The following TLE1 variants were observed in gnomAD, a reference collection of about 807,000 sequenced individuals.
The protein encoded by TLE1 is transducin-like enhancer protein 1.
A neutral mutation model predicts 89.8 loss-of-function variants in TLE1; 21 were observed. That is an observed-to-expected ratio of 0.23 (90% confidence interval 0.17 to 0.34). The LOEUF (loss-of-function observed/expected upper bound fraction) is 0.34. Ranked by LOEUF, TLE1 falls within the 10% of genes least tolerant of loss-of-function variation. The probability of loss-of-function intolerance (pLI) is 1.00; values close to 1 mark genes in which losing one functional copy is unlikely to be tolerated. For missense variants in TLE1, 795 were observed against 1,031.2 expected, an observed-to-expected ratio of 0.77 and a Z score of 3.14; for synonymous variants, 447 against 407.6, an observed-to-expected ratio of 1.10 and a Z score of -1.16.
rs1268315420 is a variant in TLE1 at position 81,673,004 on chromosome 9, G to GCACC, written c.234+12671_234+12672insGGTG. 1.1e-4 allele frequency among the ~76,000 whole-genome samples: 17 copies of GCACC among 151,862 alleles called. No individual in the cohort carries two copies. In the East Asian group the frequency reaches 3.1e-3, roughly 28 times the overall value. On this transcript the variant is annotated intron_variant, in intron 4 of 19. Coordinates refer to ENST00000376499, the MANE Select transcript of TLE1 (RefSeq NM_005077.5). ...GACTGCCAACAAGGCCGGACGCGGT[G>GCACC]GCTCACGCCTGTAATCCCAGCACTT...
intron 2 of TLE1, among the ~76,000 whole-genome samples, chr9:81,686,761 A>G (rs145632780): frequency 8.2e-4 from 125 of 152,282 alleles, no homozygotes; most frequent in African/African-American, 2.9e-3. Flanking sequence ...AGATGGATAT[A>G]AATGTGACTC....
intron 11 of TLE1, among the ~76,000 whole-genome samples, chr9:81,615,067 G>C (rs1315445125): frequency 9.4e-6 from 1 of 106,550 alleles, no homozygotes; most frequent in Non-Finnish European, 1.8e-5. Context: ...GGGTGACAGA[G>C]TGAGACTCCA....
At chr9:81,636,328 C>T (rs1270058182) in intron 6 of TLE1, among the ~76,000 whole-genome samples, 1 of 151,806 alleles carries the variant, frequency 6.6e-6, no homozygotes, top group Non-Finnish European at 1.5e-5. Flanking sequence ...CTCATTAGCA[C>T]TTAATTAGGA....
At chr9:81,647,188 C>T (rs538826426) in intron 6 of TLE1, among the ~76,000 whole-genome samples, 9 of 152,150 alleles carry the variant, frequency 5.9e-5, no homozygotes, top group East Asian at 1.9e-4. Flanking sequence ...ATTTTGTGGA[C>T]GGGAGGACAG....
chr9:81,669,669 G>A (rs965333099), intron 4 of TLE1, among the ~76,000 whole-genome samples: 6 of 151,876 alleles, frequency 4.0e-5, no homozygotes, highest in Non-Finnish European at 7.4e-5. Context: ...CAAAAACTGC[G>A]CATTGCTGCT....
At chr9:81,688,140 C>T (rs1431120591) in intron 1 of TLE1, 77 bp downstream of exon 1, 1 of 1,571,714 alleles carries the variant, frequency 6.4e-7, no homozygotes, top group Admixed American at 1.7e-5. Context: ...CCTCAGAAGC[C>T]ACCAGTCTCC....
At chr9:81,643,223 GTGTT>G (rs1444868864) in intron 6 of TLE1, among the ~76,000 whole-genome samples, 2 of 149,004 alleles carry the variant, frequency 1.3e-5, no homozygotes, top group African/African-American at 4.9e-5. Context: ...ACTTTGTGGT[GTGTT>G]TGTTTTTTGT....
intron 6 of TLE1, among the ~76,000 whole-genome samples, chr9:81,642,735 G>GAAAGAA (rs1398541733): frequency 9.2e-5 from 14 of 151,686 alleles, no homozygotes; most frequent in Admixed American, 3.9e-4. Flanking sequence ...AAGAAAGAAA[G>GAAAGAA]AGAGAGAAAA....
In TLE1 at chr9:81,636,485, C is replaced by T. The variant is rs548386744; in HGVS notation, c.373-2184G>A. Among the ~76,000 whole-genome samples the T allele has an allele frequency of 5.3e-5, 8 of 151,860 alleles. No homozygotes were observed. The East Asian group carries it at 9.7e-4, about 18-fold the overall frequency. Reference sequence around the variant, plus strand: ...GGGAATGCAATGATGCATACACAAGCAAGTGCAGCGGGTAATTAAGCACGG... The same window carrying T: ...GGGAATGCAATGATGCATACACAAGTAAGTGCAGCGGGTAATTAAGCACGG... On this transcript the variant is annotated intron_variant, in intron 6 of 19. Transcript: ENST00000376499.
chr9:81,587,058 A>C (rs1417456006), intron 17 of TLE1, among the ~76,000 whole-genome samples: 1 of 152,240 alleles, frequency 6.6e-6, no homozygotes, highest in South Asian at 2.1e-4. Flanking sequence ...ACAAGTCTAC[A>C]TTCAGACATT....
At chr9:81,677,236 T>TCCC (rs35970494) in intron 4 of TLE1, among the ~76,000 whole-genome samples, 1 of 140,938 alleles carries the variant, frequency 7.1e-6, no homozygotes, top group Non-Finnish European at 1.5e-5. Flanking sequence ...AGACTCGTCT[T>TCCC]CCCCCCCCCA....
intron 4 of TLE1, among the ~76,000 whole-genome samples, chr9:81,671,076 G>A (rs1832163141): frequency 6.6e-6 from 1 of 152,134 alleles, no homozygotes; most frequent in Non-Finnish European, 1.5e-5. Flanking sequence ...GCTGAGACAG[G>A]AGAATAGCTT....
At chr9:81,661,201 T>C (rs570883017) in intron 4 of TLE1, among the ~76,000 whole-genome samples, 1,369 of 30,204 alleles carry the variant, frequency 0.045, 23 homozygotes, top group African/African-American at 0.13. Context: ...TATATATATG[T>C]ATTTTTATAT....
Position 81,611,855 on chromosome 9 carries a change from C to T in TLE1, c.1168G>A (p.Ala390Thr). The T allele has an allele frequency of 6.4e-7, 1 of 1,563,214 alleles. No homozygotes were observed. The highest frequency in any genetic ancestry group is 8.6e-7 in the Non-Finnish European group (1 of 1,158,778). Residue 390 changes from alanine (A) to threonine (T), a missense_variant, in exon 13 of 20, where the codon GCC becomes ACC. Physicochemically the swap from Ala to Thr is moderately conservative, Grantham distance 58. Around this residue, in one of 4 missense-constraint regions of TLE1, gnomAD observed 468 missense variants for 509.1 expected, o/e 0.92. Transcript: ENST00000376499. The part of the protein sequence containing the change: ...MNGELTSPGA[A>T]YASLHNMSPQ... ...GACATGTTGTGTAAACTGGCGTAGG[C>T]AGCGCCTGGGCTGGTCAGCTCGCCG...
At chr9:81,592,085 G>A (rs540910919) in intron 15 of TLE1, among the ~76,000 whole-genome samples, 8 of 152,320 alleles carry the variant, frequency 5.3e-5, no homozygotes, top group South Asian at 2.1e-4. Flanking sequence ...ATGGCCGGGC[G>A]CGGTGGCTCA....
At chr9:81,617,726 G>A (rs930295229) in intron 9 of TLE1, among the ~76,000 whole-genome samples, 2 of 151,456 alleles carry the variant, frequency 1.3e-5, no homozygotes, top group African/African-American at 2.4e-5. Context: ...AATAAAGCCT[G>A]TTCAATTTAA....
At chr9:81,640,396 T>TAA (rs56035615) in intron 6 of TLE1, among the ~76,000 whole-genome samples, 2 of 142,568 alleles carry the variant, frequency 1.4e-5, no homozygotes, top group African/African-American at 5.2e-5. Flanking sequence ...TTTCAAAAAT[T>TAA]AAAAAAAAAA....
At chr9:81,627,688 C>T (rs1177219883) in intron 8 of TLE1, among the ~76,000 whole-genome samples, 1 of 152,128 alleles carries the variant, frequency 6.6e-6, no homozygotes, top group East Asian at 1.9e-4. Flanking sequence ...GCCTTTATTT[C>T]CAGGCAATCT....
intron 8 of TLE1, among the ~76,000 whole-genome samples, chr9:81,626,103 A>C (rs942125168): frequency 6.6e-6 from 1 of 152,208 alleles, no homozygotes; most frequent in African/African-American, 2.4e-5. Flanking sequence ...AAAGCAAGAC[A>C]GGTTTCCCTA....
Sources: gnomAD v4.1 joint callset for allele counts (sites outside exome capture counted in the v4.1 genomes callset) on GRCh38, gnomAD v4.1.1 for gene constraint, gnomAD v4.1.1 regional missense constraint, MANE v1.5 for transcripts, NCBI Gene and HGNC (gene_info 2026-07-23, HGNC 2026-07-21) for gene names.